The following METTL14 variants were observed in gnomAD, a reference collection of about 807,000 sequenced individuals.
METTL14 encodes N(6)-adenosine-methyltransferase non-catalytic subunit METTL14.
A neutral mutation model predicts 62.4 loss-of-function variants in METTL14; 32 were observed. The observed-to-expected ratio is 0.51, with a 90% CI of 0.39 to 0.69. The LOEUF is 0.69. Among genes scored for constraint, METTL14 ranks in the 30% least tolerant of loss-of-function variants. The probability of loss-of-function intolerance (pLI) is 0.00; values close to 1 mark genes in which losing one functional copy is unlikely to be tolerated. For synonymous variants in METTL14, 150 were observed against 180.0 expected, an observed-to-expected ratio of 0.83 and a Z score of 1.34; for missense variants, 340 against 551.9, an observed-to-expected ratio of 0.62 and a Z score of 3.85.
intron 7 of METTL14, 160 bp downstream of exon 7, chr4:118,697,483 C>T: frequency 3.4e-6 from 2 of 584,810 alleles, no homozygotes; most frequent in Non-Finnish European, 5.4e-6. Context: ...GGTACATTGA[C>T]TAATATTACA....
intron 3 of METTL14, among the ~76,000 whole-genome samples, chr4:118,690,994 G>GA (rs1300598424): frequency 6.6e-6 from 1 of 152,008 alleles, no homozygotes; most frequent in African/African-American, 2.4e-5. Flanking sequence ...ATAGAGATAA[G>GA]AATGTATAGT....
chr4:118,702,450 G>A (rs1301646107), intron 8 of METTL14, among the ~76,000 whole-genome samples: 7 of 152,054 alleles, frequency 4.6e-5, no homozygotes, highest in African/African-American at 1.7e-4. Flanking sequence ...TTAGTAACAG[G>A]AACAGATATT....
chr4:118,708,082 C>G (rs1392430236), intron 10 of METTL14, among the ~76,000 whole-genome samples: 4 of 152,106 alleles, frequency 2.6e-5, no homozygotes, highest in Non-Finnish European at 4.4e-5. Flanking sequence ...GCCTTGGCCT[C>G]CAAATTGCTG....
At chr4:118,692,285 G>A (rs564327930) in intron 5 of METTL14, among the ~76,000 whole-genome samples, 14 of 150,096 alleles carry the variant, frequency 9.3e-5, no homozygotes, top group South Asian at 4.2e-4. Context: ...AGTGCAGTGG[G>A]GTGATCTCTC....
At chr4:118,689,561 G>A in intron 3 of METTL14, 104 bp downstream of exon 3, 1 of 587,630 alleles carries the variant, frequency 1.7e-6, no homozygotes. Flanking sequence ...ATTTTAAGAT[G>A]TGCTAAAATA....
At chr4:118,704,645 T>G (rs1210095960) in intron 9 of METTL14, among the ~76,000 whole-genome samples, 1 of 152,142 alleles carries the variant, frequency 6.6e-6, no homozygotes, top group Non-Finnish European at 1.5e-5. Flanking sequence ...GTGGAGTTTC[T>G]GGGACGGTGG....
In METTL14 at chr4:118,714,282, T is replaced by C. The variant is rs1030320025; in HGVS notation, c.*3980T>C. ...ACTTTGATGAGTTCTCTCAACTCCT[T>C]TCTAAGAAAAGCAGAGCAGAGCAGC... On this transcript the variant is annotated 3_prime_UTR_variant, in exon 11 of 11. Coordinates refer to ENST00000388822, the MANE Select transcript of METTL14 (RefSeq NM_020961.4). 1 of 152,234 alleles carries C rather than the reference T, an allele frequency of 6.6e-6. No homozygotes were observed. The allele number at this position is 152,234 out of a possible 1,614,324, so 9.4% of individuals were successfully genotyped here.
chr4:118,705,885 A>G, intron 10 of METTL14, 64 bp downstream of exon 10: 1 of 1,243,468 alleles, frequency 8.0e-7, no homozygotes, highest in Non-Finnish European at 1.2e-6. Context: ...GAAATAGGAC[A>G]TGGTGCTGTG....
intron 5 of METTL14, among the ~76,000 whole-genome samples, chr4:118,692,644 C>T (rs2110466481): frequency 6.6e-6 from 1 of 152,044 alleles, no homozygotes; most frequent in Middle Eastern, 3.4e-3. Flanking sequence ...TGGTATTATG[C>T]CTATTCTTGC....
chr4:118,703,368 C>G (rs977913974), intron 8 of METTL14, among the ~76,000 whole-genome samples: 13 of 152,110 alleles, frequency 8.5e-5, no homozygotes, highest in Admixed American at 5.9e-4. Flanking sequence ...AGGTTCACAT[C>G]TCTGTTTTCT....
intron 7 of METTL14, among the ~76,000 whole-genome samples, chr4:118,700,282 G>A (rs1014379016): frequency 3.3e-5 from 5 of 152,216 alleles, no homozygotes; most frequent in Admixed American, 1.3e-4. Context: ...TAAGTCTATA[G>A]CTATTGTTTC....
chr4:118,693,815 A>G (rs1012531554), intron 5 of METTL14, among the ~76,000 whole-genome samples: 3 of 152,172 alleles, frequency 2.0e-5, no homozygotes, highest in East Asian at 1.9e-4. Flanking sequence ...AAAATCTTCA[A>G]ATTCATTAAT....
At chr4:118,693,753 G>A (rs759223515) in intron 5 of METTL14, among the ~76,000 whole-genome samples, 4 of 152,068 alleles carry the variant, frequency 2.6e-5, no homozygotes, top group Non-Finnish European at 4.4e-5. Context: ...TGTACCTTCT[G>A]TTTTATAGGT....
At chr4:118,690,949 AACTT>A (rs973965620) in intron 3 of METTL14, among the ~76,000 whole-genome samples, 3 of 152,186 alleles carry the variant, frequency 2.0e-5, no homozygotes, top group Non-Finnish European at 4.4e-5. Flanking sequence ...TGGTCCAAAA[AACTT>A]ACTTTTGTTT....
At position 118,694,473 on chromosome 4, in the gene METTL14, G is replaced by A. The variant is rs754488079; in HGVS notation, c.450G>A (p.Arg150=). 3 of 1,612,866 alleles carry A rather than the reference G, an allele frequency of 1.9e-6. No homozygotes were observed. The highest frequency in any genetic ancestry group is 3.3e-5 in the Admixed American group (2 of 59,846). ...GATTTGAAGAATATCCTAAACTGAG[G>A]GAGCTCATCAGGCTAAAGGATGAGT... is the stretch of plus-strand genomic sequence containing the variant. ...ADRFEEYPKL[R]ELIRLKDELI... The change falls in exon 6 of 11, where the codon AGG becomes AGA. Residue 150 remains arginine, a synonymous_variant. Coordinates refer to ENST00000388822, the MANE Select transcript of METTL14 (RefSeq NM_020961.4).
At chr4:118,690,457 T>A (rs2110465250) in intron 3 of METTL14, among the ~76,000 whole-genome samples, 1 of 152,042 alleles carries the variant, frequency 6.6e-6, no homozygotes, top group South Asian at 2.1e-4. Context: ...GATGTGCAGA[T>A]CACTTGAGGT....
At chr4:118,709,883 T>A (rs981279077) in intron 10 of METTL14, 115 bp from the exon 11 acceptor site, 2 of 985,038 alleles carry the variant, frequency 2.0e-6, no homozygotes, top group African/African-American at 3.3e-5. Flanking sequence ...AGATCAGTAT[T>A]GGATGAATGA....
chr4:118,697,161 T>C, intron 6 of METTL14, 21 bp from the exon 7 acceptor site: 1 of 1,557,228 alleles, frequency 6.4e-7, no homozygotes. Context: ...AAACCTCATT[T>C]TTAATGCTTT....
intron 7 of METTL14, among the ~76,000 whole-genome samples, chr4:118,697,599 G>C (rs1052548759): frequency 2.6e-5 from 4 of 152,084 alleles, no homozygotes; most frequent in Non-Finnish European, 5.9e-5. Context: ...TGGCTATATA[G>C]TTAGAGAAGT....
Sources: allele counts gnomAD v4.1 joint callset (sites outside exome capture counted in the v4.1 genomes callset), GRCh38; gene constraint gnomAD v4.1.1; transcripts MANE v1.5; gene names NCBI Gene and HGNC (gene_info 2026-07-23, HGNC 2026-07-21).